Variants in SLC25A26 observed in about 807,000 individuals in gnomAD.
SLC25A26 encodes solute carrier family 25 member 26.
SLC25A26 carries 36 observed loss-of-function variants against 37.8 expected under a neutral mutation model. The ratio of observed to expected loss-of-function variants is 0.95; its 90% CI spans 0.73 to 1.26. The LOEUF (loss-of-function observed/expected upper bound fraction) is 1.26. Among genes scored for constraint, SLC25A26 ranks in the 50% most tolerant of loss-of-function variants. The pLI, the probability that SLC25A26 is intolerant of heterozygous loss-of-function variation, is 0.00. For synonymous variants in SLC25A26, 129 were observed against 122.5 expected (o/e 1.05, Z -0.35); for missense variants, 390 against 331.1 (o/e 1.18, Z -1.38).
rs1055845572 is a variant in SLC25A26, at chr3:66,346,711, TGTGC to T, written c.498+307_498+310del. ...TCCACCGTTAAATTTCATTTTGCTGTGTGCGTGTGTGTGTGTGTGTGTGTGTGTG... is the reference window on the plus strand; with the variant it reads ...TCCACCGTTAAATTTCATTTTGCTGTGTGTGTGTGTGTGTGTGTGTGTGTG... On this transcript the variant is annotated intron_variant, in intron 6 of 9. Coordinates refer to ENST00000354883, the MANE Select transcript of SLC25A26 (RefSeq NM_001379210.1). Among the ~76,000 whole-genome samples the T allele has an allele frequency of 1.5e-4, 19 of 123,426 alleles. No homozygotes were observed. In the East Asian group the frequency reaches 2.2e-3, roughly 14 times the overall value. The allele number at this position is 123,426 out of a possible 152,430, so 81.0% of individuals were successfully genotyped here. A position where few individuals can be genotyped will look rare whatever the true frequency, so the allele number is the denominator to read the frequency against.
chr3:66,137,508 A>T (rs2069965283), intron 1 of SLC25A26, among the ~76,000 whole-genome samples: 1 of 152,128 alleles, frequency 6.6e-6, no homozygotes, highest in South Asian at 2.1e-4. Flanking sequence ...GATTACAGGC[A>T]TGAACAACCA....
At chr3:66,147,267 G>A (rs562959676) in intron 1 of SLC25A26, among the ~76,000 whole-genome samples, 3 of 150,334 alleles carry the variant, frequency 2.0e-5, no homozygotes, top group South Asian at 2.1e-4. Context: ...GGGTTCAAGC[G>A]ATCCTCCCGC....
rs1700794946 is a variant in SLC25A26, at chr3:66,378,225, G to C, written c.*418G>C. Reference sequence around the variant, plus strand: ...GTTTGGGAAAAGGAGACTTGGGGAAGAGTTGTGTATGTGGGTGTTTCTCCC... The same window carrying C: ...GTTTGGGAAAAGGAGACTTGGGGAACAGTTGTGTATGTGGGTGTTTCTCCC... On this transcript the variant is annotated 3_prime_UTR_variant, in exon 10 of 10. Transcript: ENST00000354883. 6.4e-6 allele frequency: 1 copy of C among 155,974 alleles called. No individual in the cohort carries two copies. Among genetic ancestry groups the C allele is most frequent in the African/African-American group, 2.4e-5 (1 of 41,576 alleles). 9.7% of individuals were successfully genotyped at this position (155,974 alleles called of 1,614,324 possible).
intron 5 of SLC25A26, among the ~76,000 whole-genome samples, chr3:66,287,548 T>C (rs1173574029): frequency 1.3e-5 from 2 of 152,228 alleles, no homozygotes; most frequent in African/African-American, 4.8e-5. Context: ...TTTTGATTCA[T>C]AATATAGTTA....
intron 1 of SLC25A26, among the ~76,000 whole-genome samples, chr3:66,208,778 A>G (rs2071218724): frequency 7.9e-6 from 1 of 126,494 alleles, no homozygotes; most frequent in Admixed American, 8.8e-5. Flanking sequence ...GTATATATAT[A>G]TATGGGTATA....
chr3:66,316,578 C>G (rs2075545992), intron 5 of SLC25A26, among the ~76,000 whole-genome samples: 1 of 152,026 alleles, frequency 6.6e-6, no homozygotes, highest in Admixed American at 6.6e-5. Context: ...CTTGGAGGAT[C>G]TGATGATTAT....
At chr3:66,196,386 T>C (rs1440508285) in intron 1 of SLC25A26, among the ~76,000 whole-genome samples, 2 of 152,336 alleles carry the variant, frequency 1.3e-5, no homozygotes, top group East Asian at 1.9e-4. Flanking sequence ...ATTGGGCTTA[T>C]TATGGCTTGC....
chr3:66,191,003 T>C (rs2070931325), intron 1 of SLC25A26, among the ~76,000 whole-genome samples: 1 of 152,324 alleles, frequency 6.6e-6, no homozygotes, highest in South Asian at 2.1e-4. Flanking sequence ...AGAGGTAGCA[T>C]TGAAAACAAT....
At chr3:66,339,760 C>A (rs946555916) in intron 5 of SLC25A26, among the ~76,000 whole-genome samples, 1 of 151,968 alleles carries the variant, frequency 6.6e-6, no homozygotes, top group East Asian at 1.9e-4. Flanking sequence ...TGGATATTAA[C>A]CCCTTATCAG....
rs575234600 is a variant in SLC25A26 at position 66,178,010 on chromosome 3, T to C, written c.-353-42732T>C. On this transcript the variant is annotated intron_variant, in intron 1 of 10. Transcript: ENST00000676754. ...TGTAAGAGATGGGTGACTTCAAAGA[T>C]GGCGACCCCTTGTTTGGAATTTTCT... Among the ~76,000 whole-genome samples, 11 of 152,312 alleles carry C rather than the reference T, an allele frequency of 7.2e-5. No homozygotes were observed. The East Asian group carries it at 1.5e-3, about 21-fold the overall frequency.
At chr3:66,283,583 C>G (rs2074415305) in intron 5 of SLC25A26, among the ~76,000 whole-genome samples, 1 of 152,100 alleles carries the variant, frequency 6.6e-6, no homozygotes, top group South Asian at 2.1e-4. Flanking sequence ...GGCCCAAACT[C>G]TTTTCTGTAG....
At chr3:66,214,898 T>C (rs2071337934) in intron 1 of SLC25A26, among the ~76,000 whole-genome samples, 2 of 152,022 alleles carry the variant, frequency 1.3e-5, no homozygotes, top group African/African-American at 4.8e-5. Flanking sequence ...GAAGCTGAGG[T>C]GGGCGGATGG....
chr3:66,174,780 C>CA (rs2070552396), intron 1 of SLC25A26, among the ~76,000 whole-genome samples: 1 of 147,568 alleles, frequency 6.8e-6, no homozygotes, highest in African/African-American at 2.5e-5. Context: ...AGCAAGACTC[C>CA]GAGACTCCGT....
chr3:66,274,501 T>A (rs900637231), intron 5 of SLC25A26, among the ~76,000 whole-genome samples: 1 of 152,158 alleles, frequency 6.6e-6, no homozygotes, highest in Non-Finnish European at 1.5e-5. Context: ...AACCTACTTA[T>A]CTGACAAAGG....
At chr3:66,189,399 T>C (rs2070893045) in intron 1 of SLC25A26, among the ~76,000 whole-genome samples, 2 of 151,916 alleles carry the variant, frequency 1.3e-5, no homozygotes, top group African/African-American at 4.8e-5. Flanking sequence ...ACACTTACCA[T>C]ATCCTAAAGC....
intron 6 of SLC25A26, among the ~76,000 whole-genome samples, chr3:66,361,726 G>A (rs2076711745): frequency 6.6e-6 from 1 of 152,200 alleles, no homozygotes; most frequent in Non-Finnish European, 1.5e-5. Context: ...CACTTTGAGA[G>A]GCTGAGGCGG....
At chr3:66,134,346 C>T (rs2069915177) in intron 1 of SLC25A26, among the ~76,000 whole-genome samples, 1 of 152,176 alleles carries the variant, frequency 6.6e-6, no homozygotes, top group Admixed American at 6.6e-5. Context: ...ATTTGAATTC[C>T]TTTGCTGGGT....
At chr3:66,353,028 G>T (rs149476465) in intron 6 of SLC25A26, among the ~76,000 whole-genome samples, 37 of 152,318 alleles carry the variant, frequency 2.4e-4, no homozygotes, top group African/African-American at 8.2e-4. Context: ...GACACTGTGT[G>T]CCAGGCTCTG....
chr3:66,292,857 C>T (rs1019002816), intron 5 of SLC25A26, among the ~76,000 whole-genome samples: 1 of 152,202 alleles, frequency 6.6e-6, no homozygotes, highest in Non-Finnish European at 1.5e-5. Context: ...GGAAGTTCTC[C>T]TGGATAATAT....
Sources: gnomAD v4.1 joint callset for allele counts (sites outside exome capture counted in the v4.1 genomes callset) on GRCh38, gnomAD v4.1.1 for gene constraint, MANE v1.5 for transcripts, NCBI Gene and HGNC (gene_info 2026-07-23, HGNC 2026-07-21) for gene names.